ACADM: variants seen among roughly 807,000 people sequenced by gnomAD.
The protein encoded by ACADM is acyl-CoA dehydrogenase medium chain.
A neutral mutation model predicts 58.9 loss-of-function variants in ACADM; 49 were observed. The ratio of observed to expected loss-of-function variants is 0.83; its 90% CI spans 0.66 to 1.06. ACADM has a LOEUF of 1.06. Ranked by LOEUF, ACADM falls within the 50% of genes least tolerant of loss-of-function variation. ACADM has a pLI of 0.00. For missense variants in ACADM, 496 were observed against 507.0 expected (o/e 0.98, Z 0.21); for synonymous variants, 160 against 157.7 (o/e 1.01, Z -0.11).
chr1:75,742,216 A>G (rs1442166843), intron 7 of ACADM, among the ~76,000 whole-genome samples: 4 of 140,970 alleles, frequency 2.8e-5, no homozygotes, highest in Non-Finnish European at 6.0e-5. Context: ...TACTGGCCCT[A>G]GTGTCAAATG....
At chr1:75,752,847 G>T (rs1648281052) in intron 10 of ACADM, among the ~76,000 whole-genome samples, 1 of 152,034 alleles carries the variant, frequency 6.6e-6, no homozygotes, top group South Asian at 2.1e-4. Flanking sequence ...TTACCTGCAG[G>T]AAGTACTCTA....
At chr1:75,741,204 A>G (rs1388863302) in intron 7 of ACADM, among the ~76,000 whole-genome samples, 1 of 152,190 alleles carries the variant, frequency 6.6e-6, no homozygotes, top group African/African-American at 2.4e-5. Context: ...TTCAGATTCA[A>G]TATATTTGTG....
chr1:75,733,722 A>C, intron 5 of ACADM, 94 bp downstream of exon 5: 1 of 1,044,482 alleles, frequency 9.6e-7, no homozygotes, highest in Non-Finnish European at 1.5e-6. Flanking sequence ...AAAAAAAAGG[A>C]AAGTCAGTTA....
intron 4 of ACADM, 184 bp downstream of exon 4, chr1:75,733,106 CCTT>C (rs1274196295): frequency 1.5e-5 from 24 of 1,612,730 alleles, no homozygotes; most frequent in Non-Finnish European, 1.9e-5. Flanking sequence ...ATGCGTTTTT[CCTT>C]CTTCTAACTG....
chr1:75,742,366 A>C (rs1303165007), intron 7 of ACADM, among the ~76,000 whole-genome samples: 3 of 151,748 alleles, frequency 2.0e-5, no homozygotes, highest in Non-Finnish European at 4.4e-5. Context: ...ATCTACTAAC[A>C]CCCTCAGGGT....
intron 1 of ACADM, among the ~76,000 whole-genome samples, chr1:75,725,734 A>G (rs571988038): frequency 1.5e-4 from 23 of 152,370 alleles, no homozygotes; most frequent in Middle Eastern, 3.4e-3. Context: ...TGTTCTAGAC[A>G]GAGAGCCCGA....
chr1:75,733,054 AC>A, intron 4 of ACADM, 132 bp downstream of exon 4: 1 of 1,613,278 alleles, frequency 6.2e-7, no homozygotes, highest in Non-Finnish European at 8.5e-7. Flanking sequence ...TGCTCAGACT[AC>A]AGTGTTTGCC....
At chr1:75,762,011 A>G (rs1648884982) in intron 11 of ACADM, among the ~76,000 whole-genome samples, 1 of 152,240 alleles carries the variant, frequency 6.6e-6, no homozygotes. Context: ...GTGAGAAGGA[A>G]TGTTACACGT....
rs775826164 is a variant in ACADM, at chr1:75,732,608, AT to A, written c.119-35del. 1.2e-5 allele frequency: 18 copies of A among 1,491,122 alleles called. No individual in the cohort carries two copies. The African/African-American group carries it at 2.3e-4, about 19-fold the overall frequency. The allele number at this position is 1,491,122 out of a possible 1,614,324, so 92.4% of individuals were successfully genotyped here. The stretch of plus-strand genomic sequence containing the variant: ...ACTTCATAGGACATTTTTCCTTGTT[AT>A]CCAGTTTTAACTTTTCTAAATAATT... On this transcript the variant is annotated intron_variant, in intron 2 of 11. Transcript: ENST00000370841.
At position 75,740,030 on chromosome 1, in the gene ACADM, G is replaced by T; in HGVS notation, c.519G>T (p.Lys173Asn). 1 of 1,612,892 alleles carries T rather than the reference G, an allele frequency of 6.2e-7. No individual in the cohort carries two copies. The highest frequency in any genetic ancestry group is 1.1e-5 in the South Asian group (1 of 91,012). ...CAGGCTCTGATGTAGCTGGTATAAA[G>T]ACCAAAGCAGAAAAGAAAGGAGATG... ...PGAGSDVAGI[K>N]TKAEKKGDEY... is the part of the protein sequence containing the mutation. Residue 173 changes from lysine (K) to asparagine (N), a missense_variant, in exon 7 of 12, where the codon AAG becomes AAT. Coordinates refer to ENST00000370841, the MANE Select transcript of ACADM (RefSeq NM_000016.6).
At chr1:75,759,656 C>CTTTT (rs34394777) in intron 10 of ACADM, among the ~76,000 whole-genome samples, 237 of 87,388 alleles carry the variant, frequency 2.7e-3, no homozygotes, top group Middle Eastern at 9.8e-3. Flanking sequence ...TAGCAACTTT[C>CTTTT]TTTTTTTTTT....
chr1:75,749,331 A>G (rs1648068110), intron 8 of ACADM, 88 bp from the exon 9 acceptor site: 2 of 1,381,134 alleles, frequency 1.4e-6, no homozygotes, highest in Admixed American at 3.7e-5. Flanking sequence ...GTTTTAGGTA[A>G]TTGCAGAAAG....
At position 75,724,825 on chromosome 1, in the gene ACADM, G is replaced by C. The variant is rs760526492; in HGVS notation, c.30+8G>C. 2.0e-6 allele frequency: 3 copies of C among 1,482,998 alleles called. No individual in the cohort carries two copies. In the Admixed American group the frequency reaches 6.9e-5, roughly 34 times the overall value. 91.9% of individuals were successfully genotyped at this position (1,482,998 alleles called of 1,614,324 possible). On this transcript the variant is annotated splice_region_variant and intron_variant, in intron 1 of 11. Transcript: ENST00000370841. ...TTCGGGCGATGCTGCAGGGTGAGAG[G>C]GAGCCCAGCGGTGCGGTGGGGCTGG...
chr1:75,728,325 T>G lies in ACADM; in HGVS notation c.31-76T>G. 3 of 1,235,756 alleles carry G rather than the reference T, an allele frequency of 2.4e-6. No individual in the cohort carries two copies. The Admixed American group carries it at 5.6e-5, about 23-fold the overall frequency. The allele number at this position is 1,235,756 out of a possible 1,614,324, so 76.5% of individuals were successfully genotyped here. On this transcript the variant is annotated intron_variant, in intron 1 of 11. Coordinates refer to ENST00000370841, the MANE Select transcript of ACADM (RefSeq NM_000016.6). The stretch of plus-strand genomic sequence containing the variant: ...TGGTCAAACCAGTTGCTGTACTCAC[T>G]TATGATTATCAGTAGTCTCTTATCT...
At chr1:75,741,500 G>T (rs933079505) in intron 7 of ACADM, among the ~76,000 whole-genome samples, 1 of 152,100 alleles carries the variant, frequency 6.6e-6, no homozygotes, top group African/African-American at 2.4e-5. Flanking sequence ...AATCACTCAC[G>T]TCTACAATCC....
intron 10 of ACADM, among the ~76,000 whole-genome samples, chr1:75,756,617 G>A (rs562952568): frequency 6.6e-5 from 10 of 152,298 alleles, no homozygotes; most frequent in African/African-American, 9.6e-5. Flanking sequence ...AATCAATATC[G>A]TGAAAATGGC....
intron 7 of ACADM, chr1:75,743,455 G>A (rs1456821210): frequency 2.6e-5 from 42 of 1,610,952 alleles, no homozygotes; most frequent in Middle Eastern, 3.6e-4. Flanking sequence ...ATCCTCTACC[G>A]CTGCCTTGAT....
chr1:75,733,803 G>C (rs1341257521), intron 5 of ACADM, among the ~76,000 whole-genome samples, 175 bp downstream of exon 5: 1 of 152,174 alleles, frequency 6.6e-6, no homozygotes, highest in African/African-American at 2.4e-5. Flanking sequence ...AGTGAAGCCT[G>C]GAGTTCTGAT....
At chr1:75,735,923 G>A (rs1647247110) in intron 6 of ACADM, among the ~76,000 whole-genome samples, 1 of 151,884 alleles carries the variant, frequency 6.6e-6, no homozygotes, top group South Asian at 2.1e-4. Context: ...GCTAAGGCAG[G>A]AGAACTGCTT....
Sources: gnomAD v4.1 joint callset for allele counts (sites outside exome capture counted in the v4.1 genomes callset) on GRCh38, gnomAD v4.1.1 for gene constraint, MANE v1.5 for transcripts, NCBI Gene and HGNC (gene_info 2026-07-23, HGNC 2026-07-21) for gene names.